GRID2: variants seen among roughly 807,000 people sequenced by gnomAD.
GRID2 encodes the protein glutamate ionotropic receptor delta type subunit 2.
Under a neutral mutation model 114.8 loss-of-function variants are expected in GRID2, and 33 were observed. That is an observed-to-expected ratio of 0.29 (90% CI 0.22 to 0.38). The LOEUF is 0.38. Ranked by LOEUF, GRID2 falls within the 10% of genes least tolerant of loss-of-function variation. The pLI is 1.00. For synonymous variants in GRID2, 505 were observed against 449.9 expected, an observed-to-expected ratio of 1.12 and a Z score of -1.55; for missense variants, 1,184 against 1,257.7, an observed-to-expected ratio of 0.94 and a Z score of 0.89.
chr4:92,725,510 A>T (rs1736026498), intron 2 of GRID2, among the ~76,000 whole-genome samples: 1 of 152,156 alleles, frequency 6.6e-6, no homozygotes, highest in African/African-American at 2.4e-5. Context: ...AAAGCAGAAC[A>T]TCTGATAATT....
At chr4:92,411,655 G>GTGTGTATATATA in intron 1 of GRID2, among the ~76,000 whole-genome samples, 10 of 84,694 alleles carry the variant, frequency 1.2e-4, no homozygotes, top group African/African-American at 4.7e-4. Context: ...GTGTGTGTGT[G>GTGTGTATATATA]TATATATATA....
chr4:93,179,488 T>C (rs1258916719), intron 4 of GRID2, among the ~76,000 whole-genome samples: 1 of 152,190 alleles, frequency 6.6e-6, no homozygotes, highest in Non-Finnish European at 1.5e-5. Flanking sequence ...GGGATAATGA[T>C]GTCCAGCAGA....
chr4:93,059,909 T>C (rs929904644), intron 2 of GRID2, among the ~76,000 whole-genome samples: 1 of 152,114 alleles, frequency 6.6e-6, no homozygotes. Flanking sequence ...ACCAATTATA[T>C]TGATAGTTTC....
At chr4:92,949,396 G>A (rs1337910537) in intron 2 of GRID2, among the ~76,000 whole-genome samples, 1 of 151,876 alleles carries the variant, frequency 6.6e-6, no homozygotes, top group East Asian at 1.9e-4. Flanking sequence ...GTGCCATGTT[G>A]GTGTGCTGCA....
chr4:93,194,699 A>G (rs925252378), intron 4 of GRID2, among the ~76,000 whole-genome samples: 1 of 152,160 alleles, frequency 6.6e-6, no homozygotes, highest in Non-Finnish European at 1.5e-5. Context: ...TATTAATTAA[A>G]TAATATAGAC....
At chr4:93,224,825 C>A (rs1260594072) in intron 7 of GRID2, 50 bp downstream of exon 7, 6 of 1,316,710 alleles carry the variant, frequency 4.6e-6, no homozygotes, top group Admixed American at 4.1e-5. Flanking sequence ...AATTATTTGA[C>A]ATATTTTAGA....
chr4:92,484,089 C>T (rs1174638095), intron 1 of GRID2, among the ~76,000 whole-genome samples: 2 of 152,106 alleles, frequency 1.3e-5, no homozygotes, highest in Non-Finnish European at 1.5e-5. Flanking sequence ...CAAGGTAAAT[C>T]TATGGTGGAA....
intron 13 of GRID2, among the ~76,000 whole-genome samples, chr4:93,599,541 A>G (rs1454947369): frequency 6.6e-6 from 1 of 152,218 alleles, no homozygotes. Context: ...TCAGTTTGAG[A>G]TAAAATAATC....
chr4:92,911,565 CT>C (rs548891370), intron 2 of GRID2, among the ~76,000 whole-genome samples: 100 of 148,260 alleles, frequency 6.7e-4, no homozygotes, highest in Non-Finnish European at 1.2e-3. Context: ...TTGTGCATAT[CT>C]TTTTTTTTTA....
At chr4:92,916,909 T>C (rs1748849911) in intron 2 of GRID2, among the ~76,000 whole-genome samples, 1 of 152,192 alleles carries the variant, frequency 6.6e-6, no homozygotes, top group African/African-American at 2.4e-5. Context: ...ATGGTAATTC[T>C]AGTTCTTAGA....
chr4:93,488,638 C>T (rs1055804967), intron 11 of GRID2, among the ~76,000 whole-genome samples: 4 of 151,754 alleles, frequency 2.6e-5, no homozygotes, highest in African/African-American at 9.7e-5. Flanking sequence ...ATGTATTAGT[C>T]TAATAATATT....
At chr4:92,359,162 G>T (rs1038259017) in intron 1 of GRID2, among the ~76,000 whole-genome samples, 2 of 151,854 alleles carry the variant, frequency 1.3e-5, no homozygotes, top group South Asian at 2.1e-4. Flanking sequence ...CTTCTTTCAC[G>T]ATTTTATGGT....
intron 8 of GRID2, among the ~76,000 whole-genome samples, chr4:93,298,871 T>C (rs2149163474): frequency 6.6e-6 from 1 of 152,386 alleles, no homozygotes; most frequent in African/African-American, 2.4e-5. Context: ...CATCTGCTTT[T>C]GCTCATCATT....
chr4:93,791,949 T>G (rs913634003), intron 1 of GRID2, among the ~76,000 whole-genome samples: 6 of 152,172 alleles, frequency 3.9e-5, no homozygotes, highest in Admixed American at 1.3e-4. Flanking sequence ...TTTAAGCCCT[T>G]TAGGTTGTTT....
chr4:93,535,818 T>C (rs1318626147), intron 13 of GRID2, among the ~76,000 whole-genome samples: 1 of 152,066 alleles, frequency 6.6e-6, no homozygotes, highest in African/African-American at 2.4e-5. Context: ...GATGTATGGT[T>C]TGCAAATATT....
At chr4:93,607,515 T>C (rs1435474) in intron 13 of GRID2, among the ~76,000 whole-genome samples, 39,961 of 152,064 alleles carry the variant, frequency 0.26, 5,483 homozygotes, top group Middle Eastern at 0.35. Flanking sequence ...TATTCTTGTA[T>C]TTTAATCCGA....
intron 1 of GRID2, among the ~76,000 whole-genome samples, chr4:92,371,019 G>A (rs1214714703): frequency 6.6e-6 from 1 of 152,110 alleles, no homozygotes; most frequent in African/African-American, 2.4e-5. Flanking sequence ...AATAAAACCA[G>A]CCACAACATT....
chr4:92,812,107 G>A (rs975004179), intron 2 of GRID2, among the ~76,000 whole-genome samples: 1 of 152,152 alleles, frequency 6.6e-6, no homozygotes, highest in Non-Finnish European at 1.5e-5. Context: ...ATGTGAACGT[G>A]AATGAACATT....
At chr4:92,541,682 T>C (rs1303998072) in intron 1 of GRID2, among the ~76,000 whole-genome samples, 1 of 152,082 alleles carries the variant, frequency 6.6e-6, no homozygotes, top group Non-Finnish European at 1.5e-5. Context: ...GAAAATATTG[T>C]TTTTAATGAA....
Sources: allele counts gnomAD v4.1 joint callset (sites outside exome capture counted in the v4.1 genomes callset), GRCh38; gene constraint gnomAD v4.1.1; transcripts MANE v1.5; gene names NCBI Gene and HGNC (gene_info 2026-07-23, HGNC 2026-07-21).